SLCO5A1: variants seen among roughly 807,000 people sequenced by gnomAD.
SLCO5A1 encodes the protein solute carrier organic anion transporter family member 5A1.
SLCO5A1 carries 39 observed loss-of-function variants against 65.1 expected under a neutral mutation model. The observed-to-expected ratio is 0.60, with a 90% CI of 0.46 to 0.78. SLCO5A1 has a LOEUF of 0.78. SLCO5A1 is among the 30% of genes least tolerant of loss of function. SLCO5A1 has a pLI of 0.00. For synonymous variants in SLCO5A1, 438 were observed against 415.7 expected (o/e 1.05, Z -0.65); for missense variants, 1,029 against 1,069.4 (o/e 0.96, Z 0.53).
chr8:69,763,899 C>G (rs1377709569), intron 2 of SLCO5A1, among the ~76,000 whole-genome samples: 9 of 151,800 alleles, frequency 5.9e-5, no homozygotes, highest in African/African-American at 2.2e-4. Context: ...GACGGATTCT[C>G]TGTCGCCCAG....
chr8:69,747,789 T>A (rs1817106341), intron 4 of SLCO5A1, among the ~76,000 whole-genome samples: 1 of 152,180 alleles, frequency 6.6e-6, no homozygotes, highest in Admixed American at 6.5e-5. Context: ...GGTGAAAAAA[T>A]ATGATCGTCC....
At chr8:69,717,467 T>G (rs1285585676) in intron 5 of SLCO5A1, among the ~76,000 whole-genome samples, 1 of 152,244 alleles carries the variant, frequency 6.6e-6, no homozygotes, top group Non-Finnish European at 1.5e-5. Flanking sequence ...TTGTCTGCTT[T>G]AATCCCACAC....
At chr8:69,726,518 G>GGA (rs1267969190) in intron 5 of SLCO5A1, among the ~76,000 whole-genome samples, 3 of 144,674 alleles carry the variant, frequency 2.1e-5, no homozygotes, top group Non-Finnish European at 3.0e-5. Flanking sequence ...TTTTTTTGGG[G>GGA]GGACAGAGTC....
At position 69,670,972 on chromosome 8, in the gene SLCO5A1, A is replaced by C. The variant is rs1813312732; in HGVS notation, c.*1897T>G. 1 of 152,304 alleles carries C rather than the reference A, an allele frequency of 6.6e-6. No homozygotes were observed. The highest frequency in any genetic ancestry group is 6.5e-5 in the Admixed American group (1 of 15,286). 9.4% of individuals were successfully genotyped at this position (152,304 alleles called of 1,614,324 possible). ...TTCAATCAGCAAGGTTTTCTTAATC[A>C]GCAAGATTTTTTGAATACTTCCAAT... On this transcript the variant is annotated 3_prime_UTR_variant, in exon 10 of 10. Transcript: ENST00000260126.
At chr8:69,726,721 G>C (rs774661252) in intron 5 of SLCO5A1, among the ~76,000 whole-genome samples, 15 of 151,876 alleles carry the variant, frequency 9.9e-5, no homozygotes, top group Non-Finnish European at 1.9e-4. Flanking sequence ...GGCTGGTCTC[G>C]AACTCCTGGC....
intron 2 of SLCO5A1, among the ~76,000 whole-genome samples, chr8:69,820,808 A>G (rs1464139847): frequency 6.6e-6 from 1 of 152,012 alleles, no homozygotes; most frequent in East Asian, 1.9e-4. Context: ...ACATAGACAT[A>G]TACACACATA....
rs1482285124 is a variant in SLCO5A1, at chr8:69,705,185, C to T, written c.1468G>A (p.Gly490Ser). The change falls in exon 6 of 10, where the codon GGC becomes AGC. Residue 490 changes from glycine to serine, a missense_variant. Around this residue, in one of 3 missense-constraint regions of SLCO5A1, gnomAD observed 647 missense variants for 647.5 expected, o/e 1.00. Transcript: ENST00000260126. ...AGTTTCAATTTTTTTATAATGTAGC[C>T]TCCGAGGACAATACCAACACCAGCA... Reference protein sequence around the residue: ...PSAGVGIVLGGYIIKKLKLGA... With the variant: ...PSAGVGIVLGSYIIKKLKLGA... The T allele has an allele frequency of 6.2e-7, 1 of 1,614,040 alleles. No individual in the cohort carries two copies. The highest frequency in any genetic ancestry group is 1.3e-5 in the African/African-American group (1 of 74,904).
chr8:69,678,365 G>A (rs1359836105), intron 8 of SLCO5A1, among the ~76,000 whole-genome samples: 1 of 152,118 alleles, frequency 6.6e-6, no homozygotes, highest in Non-Finnish European at 1.5e-5. Flanking sequence ...GACAAGATAA[G>A]GGTAATCACC....
intron 9 of SLCO5A1, 59 bp from the exon 10 acceptor site, chr8:69,673,385 G>T: frequency 1.4e-6 from 2 of 1,453,408 alleles, no homozygotes; most frequent in South Asian, 1.2e-5. Context: ...AGGGAAAACA[G>T]GTTTGTAAAT....
chr8:69,745,434 G>C (rs1037362168), intron 4 of SLCO5A1, among the ~76,000 whole-genome samples: 3 of 151,868 alleles, frequency 2.0e-5, no homozygotes, highest in Non-Finnish European at 4.4e-5. Context: ...ATTTAAACTG[G>C]GGGTGGGATG....
chr8:69,786,238 CA>C (rs996572815), intron 2 of SLCO5A1, among the ~76,000 whole-genome samples: 86 of 152,248 alleles, frequency 5.6e-4, no homozygotes, highest in African/African-American at 1.7e-3. Flanking sequence ...AAGAGTTCTG[CA>C]TTTCATATCA....
intron 5 of SLCO5A1, among the ~76,000 whole-genome samples, chr8:69,729,023 G>A (rs1816217088): frequency 6.6e-6 from 1 of 152,188 alleles, no homozygotes; most frequent in African/African-American, 2.4e-5. Context: ...AGGAAATGTG[G>A]AAGGTAAGTG....
At chr8:69,822,950 A>G (rs1820710800) in intron 2 of SLCO5A1, among the ~76,000 whole-genome samples, 1 of 152,230 alleles carries the variant, frequency 6.6e-6, no homozygotes, top group South Asian at 2.1e-4. Flanking sequence ...GAGGTGGAAG[A>G]GCCAGCACCC....
chr8:69,800,787 G>T (rs1819699772), intron 2 of SLCO5A1, among the ~76,000 whole-genome samples: 1 of 152,174 alleles, frequency 6.6e-6, no homozygotes, highest in African/African-American at 2.4e-5. Context: ...CAGGCTGATG[G>T]CACCAGAACG....
At chr8:69,790,211 A>AC (rs1222513654) in intron 2 of SLCO5A1, among the ~76,000 whole-genome samples, 2 of 150,264 alleles carry the variant, frequency 1.3e-5, no homozygotes, top group African/African-American at 4.9e-5. Flanking sequence ...AAAAAAAAAA[A>AC]GGAGTGTAAT....
intron 6 of SLCO5A1, among the ~76,000 whole-genome samples, chr8:69,699,096 A>C (rs1024624343): frequency 2.0e-5 from 3 of 152,242 alleles, no homozygotes; most frequent in African/African-American, 7.2e-5. Flanking sequence ...TTAGACCTTG[A>C]GGACAGTAAC....
chr8:69,761,838 C>T lies in SLCO5A1; in HGVS notation c.945G>A (p.Val315=), dbSNP rs952455404. 5 of 1,613,830 alleles carry T rather than the reference C, an allele frequency of 3.1e-6. No individual in the cohort carries two copies. The South Asian group carries it at 4.4e-5, about 14-fold the overall frequency. Residue 315 remains valine (V), a synonymous_variant, in exon 3 of 10, where the codon GTG becomes GTA. Transcript: ENST00000260126. ...TAAGAAGTCCACCTAATAAATATCC[C>T]ACTGCAGGGCCAAGTGCTCCCATGA... is the stretch of plus-strand genomic sequence containing the variant. ...MYVMGALGPA[V]GYLLGGLLIG...
At chr8:69,772,842 A>C (rs1228035563) in intron 2 of SLCO5A1, 2 of 748,428 alleles carry the variant, frequency 2.7e-6, no homozygotes, top group Non-Finnish European at 3.3e-6. Flanking sequence ...GATGCAAGGC[A>C]CTGGGACAGG....
intron 2 of SLCO5A1, among the ~76,000 whole-genome samples, chr8:69,810,407 G>C (rs2130910886): frequency 6.6e-6 from 1 of 152,264 alleles, no homozygotes; most frequent in African/African-American, 2.4e-5. Context: ...ATAGCCTGAG[G>C]CCTAAAAGTG....
Sources: gnomAD v4.1 joint callset for allele counts (sites outside exome capture counted in the v4.1 genomes callset) on GRCh38, gnomAD v4.1.1 for gene constraint, gnomAD v4.1.1 regional missense constraint, MANE v1.5 for transcripts, NCBI Gene and HGNC (gene_info 2026-07-23, HGNC 2026-07-21) for gene names.